ZNF710: variants seen among roughly 807,000 people sequenced by gnomAD.
ZNF710 encodes zinc finger protein 710.
A neutral mutation model predicts 50.6 loss-of-function variants in ZNF710; 13 were observed. The observed-to-expected ratio is 0.26, with a 90% CI of 0.17 to 0.41. The LOEUF (loss-of-function observed/expected upper bound fraction) is 0.41, where lower values mean the gene tolerates loss of function less well. Ranked by LOEUF, ZNF710 falls within the 10% of genes least tolerant of loss-of-function variation. The pLI is 1.00. For synonymous variants in ZNF710, 383 were observed against 397.0 expected (o/e 0.96, Z 0.42); for missense variants, 721 against 936.6 (o/e 0.77, Z 3.01).
In ZNF710 at chr15:90,034,653, C is replaced by A. The variant is rs368124470; in HGVS notation, c.-28-32457C>A. Among the ~76,000 whole-genome samples the A allele has an allele frequency of 5.3e-5, 8 of 152,122 alleles. No homozygotes were observed. In the East Asian group the frequency reaches 5.8e-4, roughly 11 times the overall value. ...CTGCCTCACCCGCCAGCTCTTCTCA[C>A]CCCTTCTGAGAGGCCCGCCTGCTCT... On this transcript the variant is annotated intron_variant, in intron 1 of 4. Coordinates refer to ENST00000268154, the MANE Select transcript of ZNF710 (RefSeq NM_198526.4). This position sits in a 1 kb window ranked among gnomAD's most constrained non-coding sequence, Gnocchi z 4.0.
At chr15:90,048,124 G>A (rs887538899) in intron 1 of ZNF710, among the ~76,000 whole-genome samples, 3 of 152,260 alleles carry the variant, frequency 2.0e-5, no homozygotes, top group South Asian at 2.1e-4. Context: ...GTCTGTGAAC[G>A]TCGGTTTTGC....
At chr15:90,008,983 A>G (rs1898227547) in intron 1 of ZNF710, among the ~76,000 whole-genome samples, 2 of 152,144 alleles carry the variant, frequency 1.3e-5, no homozygotes. Flanking sequence ...CCCTGCCCCC[A>G]GCATGTTATA....
intron 1 of ZNF710, among the ~76,000 whole-genome samples, chr15:90,019,909 A>G (rs61521707): frequency 0.037 from 5,578 of 152,196 alleles, 177 homozygotes; most frequent in African/African-American, 0.08. Flanking sequence ...ATGCTCCTAA[A>G]CAAACATCCT....
chr15:90,074,824 G>T, intron 4 of ZNF710: 3 of 316,688 alleles, frequency 9.5e-6, no homozygotes, highest in South Asian at 7.5e-5. Context: ...ACCATGGGAG[G>T]TCCTAAGCAA....
chr15:90,063,557 C>A (rs925158309), intron 1 of ZNF710, among the ~76,000 whole-genome samples: 2 of 152,144 alleles, frequency 1.3e-5, no homozygotes, highest in African/African-American at 4.8e-5. Flanking sequence ...CTTTCTACAG[C>A]CAAGCACAGG....
chr15:90,015,328 T>C (rs939205261), intron 1 of ZNF710, among the ~76,000 whole-genome samples: 2 of 152,234 alleles, frequency 1.3e-5, no homozygotes, highest in African/African-American at 4.8e-5. Flanking sequence ...GGGGAACAGA[T>C]ACTCTCATAG....
intron 4 of ZNF710, among the ~76,000 whole-genome samples, chr15:90,077,239 C>CTT (rs34572330): frequency 3.4e-4 from 27 of 79,074 alleles, no homozygotes; most frequent in Non-Finnish European, 4.4e-4. Context: ...TCTCAAGGTG[C>CTT]TTTTTTTTTT....
chr15:90,061,862 G>A (rs977588465), intron 1 of ZNF710, among the ~76,000 whole-genome samples: 3 of 152,164 alleles, frequency 2.0e-5, no homozygotes, highest in Admixed American at 1.3e-4. Flanking sequence ...GGAGCCAGGC[G>A]ACTTGCCCAG....
At chr15:90,064,281 A>G (rs1900102408) in intron 1 of ZNF710, among the ~76,000 whole-genome samples, 1 of 152,158 alleles carries the variant, frequency 6.6e-6, no homozygotes, top group South Asian at 2.1e-4. Context: ...TGCCTCATTC[A>G]CCTTGCTGTC....
At position 90,040,827 on chromosome 15, in the gene ZNF710, A is replaced by G. The variant is rs972735900; in HGVS notation, c.-28-26283A>G. ...ACTCCAGTGATTTCTTGATTTATCA[A>G]TTTCGGACATTATCTTTTGCCTCCA... On this transcript the variant is annotated intron_variant, in intron 1 of 4. Coordinates refer to ENST00000268154, the MANE Select transcript of ZNF710 (RefSeq NM_198526.4). The surrounding 1 kb of genome is among the most constrained non-coding windows in gnomAD (Gnocchi z 4.6). 1.3e-5 allele frequency among the ~76,000 whole-genome samples: 2 copies of G among 152,116 alleles called. No homozygotes were observed. The highest frequency in any genetic ancestry group is 2.9e-5 in the Non-Finnish European group (2 of 68,026).
intron 1 of ZNF710, among the ~76,000 whole-genome samples, chr15:90,007,771 G>A (rs11073896): frequency 0.26 from 39,862 of 150,974 alleles, 6,761 homozygotes; most frequent in Non-Finnish European, 0.37. Flanking sequence ...GACTAGGGGC[G>A]AGCTCTTTTT....
chr15:90,030,469 G>C (rs902305819), intron 1 of ZNF710, among the ~76,000 whole-genome samples: 2 of 151,754 alleles, frequency 1.3e-5, no homozygotes, highest in African/African-American at 4.8e-5. Flanking sequence ...TCAGCAAATC[G>C]TAAGCCTTCT....
intron 1 of ZNF710, among the ~76,000 whole-genome samples, chr15:90,015,594 T>C (rs948821916): frequency 2.6e-5 from 4 of 151,014 alleles, no homozygotes; most frequent in African/African-American, 9.8e-5. Flanking sequence ...ACAATGCAAT[T>C]CTTTTTTTTT....
At chr15:90,061,284 C>A (rs1900000104) in intron 1 of ZNF710, among the ~76,000 whole-genome samples, 1 of 152,166 alleles carries the variant, frequency 6.6e-6, no homozygotes, top group Admixed American at 6.5e-5. Flanking sequence ...GATTCTCCTG[C>A]CTCAGCCTCC....
At chr15:90,070,426 C>T (rs2151532148) in intron 2 of ZNF710, among the ~76,000 whole-genome samples, 1 of 151,104 alleles carries the variant, frequency 6.6e-6, no homozygotes, top group South Asian at 2.1e-4. Context: ...AATCCCAACA[C>T]TTTGGGAGGC....
chr15:90,071,787 T>TA (rs1567244560), intron 2 of ZNF710, among the ~76,000 whole-genome samples: 2 of 151,574 alleles, frequency 1.3e-5, no homozygotes. Flanking sequence ...TAAGCAATTC[T>TA]ACTGCCTCAG....
chr15:90,005,422 C>G (rs764401779), intron 1 of ZNF710, among the ~76,000 whole-genome samples: 2 of 152,030 alleles, frequency 1.3e-5, no homozygotes, highest in Non-Finnish European at 2.9e-5. Flanking sequence ...TGGGTGGAGA[C>G]TTGTGCAAAA....
intron 1 of ZNF710, among the ~76,000 whole-genome samples, chr15:90,039,729 T>C (rs1282654609): frequency 1.3e-5 from 2 of 152,130 alleles, no homozygotes; most frequent in East Asian, 3.8e-4. Flanking sequence ...GCCACCATCA[T>C]AGCCTCCAGC....
chr15:90,080,002 T>C lies in ZNF710; in HGVS notation c.*173T>C. The C allele has an allele frequency of 1.7e-6, 1 of 585,634 alleles. No homozygotes were observed. Among genetic ancestry groups the C allele is most frequent in the Non-Finnish European group, 2.8e-6 (1 of 361,094 alleles). 36.3% of individuals were successfully genotyped at this position (585,634 alleles called of 1,614,324 possible). A position where few individuals can be genotyped will look rare whatever the true frequency, so the allele number is the denominator to read the frequency against. On this transcript the variant is annotated 3_prime_UTR_variant, in exon 5 of 5. Coordinates refer to ENST00000268154, the MANE Select transcript of ZNF710 (RefSeq NM_198526.4). ...GGACCTTTAGACCAAATGGAGACTG[T>C]ACTACTGGCCCCGGCTGTGAGCCAG...
Sources: gnomAD v4.1 joint callset for allele counts (sites outside exome capture counted in the v4.1 genomes callset) on GRCh38, gnomAD v4.1.1 for gene constraint, Gnocchi (gnomAD v3.1) non-coding constraint, MANE v1.5 for transcripts, NCBI Gene and HGNC (gene_info 2026-07-23, HGNC 2026-07-21) for gene names.